DEPTOR: variants seen among roughly 807,000 people sequenced by gnomAD.
DEPTOR encodes DEP domain containing MTOR interacting protein.
In DEPTOR, 41 loss-of-function variants were observed where a neutral mutation model predicts 41.6. The observed-to-expected ratio is 0.98, with a 90% CI of 0.77 to 1.28. The LOEUF (loss-of-function observed/expected upper bound fraction) is 1.28. Ranked by LOEUF, DEPTOR falls within the 50% of genes most tolerant of loss-of-function variation. The pLI is 0.00. For synonymous variants in DEPTOR, 195 were observed against 192.3 expected (o/e 1.01, Z -0.12); for missense variants, 514 against 527.9 (o/e 0.97, Z 0.26).
intron 1 of DEPTOR, among the ~76,000 whole-genome samples, chr8:119,878,017 T>C (rs1344682906): frequency 1.3e-5 from 2 of 152,206 alleles, no homozygotes; most frequent in African/African-American, 2.4e-5. Flanking sequence ...CCGCAACCTC[T>C]GCCTCCGGGT....
At chr8:119,930,055 G>T in intron 3 of DEPTOR, 117 bp downstream of exon 3, 1 of 1,248,632 alleles carries the variant, frequency 8.0e-7, no homozygotes, top group Non-Finnish European at 1.1e-6. Context: ...TTACATAACT[G>T]TTCTTTTCCA....
chr8:119,955,300 G>A (rs1417415306), intron 3 of DEPTOR, among the ~76,000 whole-genome samples: 1 of 152,126 alleles, frequency 6.6e-6, no homozygotes, highest in African/African-American at 2.4e-5. Context: ...AGTCCAATTT[G>A]TCTATTTCTC....
At chr8:119,984,904 G>A (rs1018922352) in intron 4 of DEPTOR, among the ~76,000 whole-genome samples, 4 of 151,982 alleles carry the variant, frequency 2.6e-5, no homozygotes, top group African/African-American at 9.7e-5. Flanking sequence ...AAGCATTCCT[G>A]GGCTGGGCAC....
chr8:120,048,591 A>G (rs181868369), intron 8 of DEPTOR, among the ~76,000 whole-genome samples: 58 of 152,340 alleles, frequency 3.8e-4, no homozygotes, highest in African/African-American at 1.3e-3. Context: ...GCAAAGTATC[A>G]AGGTTTATGA....
chr8:120,045,923 C>T (rs372351651), intron 8 of DEPTOR, among the ~76,000 whole-genome samples: 1 of 152,202 alleles, frequency 6.6e-6, no homozygotes. Context: ...TTTCCTACCC[C>T]TGAACACCTG....
rs1179582103 is a variant in DEPTOR, at chr8:119,926,919, G to GTAATAAGAAAGAGCAGTAATAAAGCA, written c.123-1481_123-1480insTAATAAGAAAGAGCAGTAATAAAGCA. On this transcript the variant is annotated intron_variant, in intron 1 of 8. Transcript: ENST00000286234. ...GAGCAGTAATAAAGCACATAAGATA[G>GTAATAAGAAAGAGCAGTAATAAAGCA]CCTTTGAGTGACCAAAATAGATGTC... 3.4e-4 allele frequency among the ~76,000 whole-genome samples: 52 copies of GTAATAAGAAAGAGCAGTAATAAAGCA among 152,274 alleles called. No homozygotes were observed. The East Asian group carries it at 3.5e-3, about 10-fold the overall frequency.
chr8:119,904,369 T>G (rs1827634012), intron 1 of DEPTOR, among the ~76,000 whole-genome samples: 1 of 152,144 alleles, frequency 6.6e-6, no homozygotes, highest in Non-Finnish European at 1.5e-5. Flanking sequence ...TCCACCCTCC[T>G]CAGCCTCCCA....
intron 1 of DEPTOR, among the ~76,000 whole-genome samples, chr8:119,925,022 C>T (rs1827946221): frequency 6.6e-6 from 1 of 152,136 alleles, no homozygotes; most frequent in Admixed American, 6.5e-5. Flanking sequence ...GGGGAAGCCT[C>T]ATAATCATGG....
intron 8 of DEPTOR, among the ~76,000 whole-genome samples, chr8:120,024,800 G>C (rs1283732007): frequency 6.6e-6 from 1 of 152,120 alleles, no homozygotes; most frequent in East Asian, 1.9e-4. Flanking sequence ...AAAAATTTCT[G>C]TTTTTAAAAC....
At chr8:119,892,594 A>G (rs1827465748) in intron 1 of DEPTOR, among the ~76,000 whole-genome samples, 1 of 152,136 alleles carries the variant, frequency 6.6e-6, no homozygotes. Flanking sequence ...GAAAAGCATG[A>G]TTTTTCTTAT....
At chr8:119,988,264 G>C (rs906103738) in intron 4 of DEPTOR, among the ~76,000 whole-genome samples, 2 of 152,178 alleles carry the variant, frequency 1.3e-5, no homozygotes, top group Admixed American at 1.3e-4. Flanking sequence ...GCTAAGGAAG[G>C]GAGTTCCCTG....
chr8:119,943,483 A>G (rs1266701031), intron 3 of DEPTOR, among the ~76,000 whole-genome samples: 1 of 152,142 alleles, frequency 6.6e-6, no homozygotes, highest in Non-Finnish European at 1.5e-5. Context: ...CTCACTCACT[A>G]TCACGAGAAC....
At chr8:119,962,686 C>T (rs1726448394) in intron 3 of DEPTOR, among the ~76,000 whole-genome samples, 1 of 152,142 alleles carries the variant, frequency 6.6e-6, no homozygotes, top group Non-Finnish European at 1.5e-5. Context: ...AATTTAATAG[C>T]TATGTGTAGA....
intron 1 of DEPTOR, among the ~76,000 whole-genome samples, chr8:119,910,972 T>C (rs1827728654): frequency 1.3e-5 from 2 of 152,206 alleles, no homozygotes; most frequent in Admixed American, 1.3e-4. Flanking sequence ...TGTGTATGTA[T>C]GTTTCCATCA....
At chr8:120,049,331 T>G (rs1428447511) in intron 8 of DEPTOR, among the ~76,000 whole-genome samples, 1 of 152,096 alleles carries the variant, frequency 6.6e-6, no homozygotes, top group Non-Finnish European at 1.5e-5. Flanking sequence ...AAAGCTAGTA[T>G]GTCTCTGAGT....
At chr8:119,986,920 G>A (rs915724061) in intron 4 of DEPTOR, among the ~76,000 whole-genome samples, 2 of 151,800 alleles carry the variant, frequency 1.3e-5, no homozygotes, top group African/African-American at 2.4e-5. Flanking sequence ...ATTCTAGTTA[G>A]CAATTCCTCT....
intron 3 of DEPTOR, 102 bp from the exon 4 acceptor site, chr8:119,965,130 T>C: frequency 7.8e-7 from 1 of 1,277,178 alleles, no homozygotes. Context: ...CATCTGTCTG[T>C]CTGACAACTT....
chr8:120,029,394 T>C (rs748932240), intron 8 of DEPTOR, among the ~76,000 whole-genome samples: 1 of 152,060 alleles, frequency 6.6e-6, no homozygotes, highest in Non-Finnish European at 1.5e-5. Context: ...TTATTTTATT[T>C]ATTTATTTAT....
At chr8:119,954,406 A>G (rs964226820) in intron 3 of DEPTOR, among the ~76,000 whole-genome samples, 6 of 152,280 alleles carry the variant, frequency 3.9e-5, no homozygotes, top group Middle Eastern at 3.4e-3. Flanking sequence ...TTGGCCTCCC[A>G]AACTGCTGGG....
Sources: allele counts gnomAD v4.1 joint callset (sites outside exome capture counted in the v4.1 genomes callset), GRCh38; gene constraint gnomAD v4.1.1; transcripts MANE v1.5; gene names NCBI Gene and HGNC (gene_info 2026-07-23, HGNC 2026-07-21).